The following BRINP1 variants were observed in gnomAD, a reference collection of about 807,000 sequenced individuals.
The protein encoded by BRINP1 is BMP/retinoic acid-inducible neural-specific protein 1.
In BRINP1, 17 loss-of-function variants were observed where a neutral mutation model predicts 72.9. The ratio of observed to expected loss-of-function variants is 0.23; its 90% CI spans 0.16 to 0.35. BRINP1 has a LOEUF of 0.35. Among genes scored for constraint, BRINP1 ranks in the 10% least tolerant of loss-of-function variants. BRINP1 has a pLI of 1.00. For synonymous variants in BRINP1, 418 were observed against 378.5 expected (o/e 1.10, Z -1.21); for missense variants, 850 against 1,001.6 (o/e 0.85, Z 2.04).
At chr9:119,170,815 G>C (rs1199781762) in intron 7 of BRINP1, among the ~76,000 whole-genome samples, 1 of 142,834 alleles carries the variant, frequency 7.0e-6, no homozygotes, top group Non-Finnish European at 1.5e-5. Context: ...GAAGAGAGTG[G>C]GGGCCAATAT....
intron 2 of BRINP1, among the ~76,000 whole-genome samples, chr9:119,254,431 G>A (rs573282652): frequency 3.9e-4 from 59 of 152,102 alleles, no homozygotes; most frequent in African/African-American, 1.3e-3. Flanking sequence ...TAATGTTCCC[G>A]GAAAAAAATA....
chr9:119,232,507 T>C lies in BRINP1; in HGVS notation c.685+6148A>G, dbSNP rs548833226. 2.0e-5 allele frequency among the ~76,000 whole-genome samples: 3 copies of C among 152,294 alleles called. No homozygotes were observed. In the South Asian group the frequency reaches 6.2e-4, roughly 32 times the overall value. ...ATGTTCTACAAGTTTCTACATGACC[T>C]GCTCCTTCATTATTTCTCTGATTAT... On this transcript the variant is annotated intron_variant, in intron 5 of 7. Coordinates refer to ENST00000265922, the MANE Select transcript of BRINP1 (RefSeq NM_014618.3).
chr9:119,354,733 G>C (rs1326794848), intron 1 of BRINP1, among the ~76,000 whole-genome samples: 4 of 152,084 alleles, frequency 2.6e-5, no homozygotes, highest in African/African-American at 2.4e-5. Flanking sequence ...GCCAGGTGTG[G>C]TGGCATGTGC....
chr9:119,215,880 T>C (rs188420207), intron 5 of BRINP1, among the ~76,000 whole-genome samples: 380 of 152,156 alleles, frequency 2.5e-3, no homozygotes, highest in Non-Finnish European at 4.0e-3. Flanking sequence ...GTCAAAAACC[T>C]GGGCAGGGCT....
chr9:119,357,890 C>A (rs1293097297), intron 1 of BRINP1, among the ~76,000 whole-genome samples: 2 of 152,186 alleles, frequency 1.3e-5, no homozygotes, highest in East Asian at 3.9e-4. Flanking sequence ...CACCACCAAG[C>A]TGCTAATCCA....
chr9:119,276,537 T>C (rs188937831), intron 2 of BRINP1, among the ~76,000 whole-genome samples: 70 of 152,348 alleles, frequency 4.6e-4, no homozygotes, highest in Non-Finnish European at 7.5e-4. Flanking sequence ...TGCAGAAGGT[T>C]CTATACTGTC....
In BRINP1 at chr9:119,167,736, G is replaced by A. The variant is rs139590963; in HGVS notation, c.1634C>T (p.Ser545Phe). The change falls in exon 8 of 8, where the codon TCC becomes TTC. Residue 545 changes from serine (S) to phenylalanine (F), a missense_variant. By Grantham distance (155) the Ser-to-Phe change is radical (BLOSUM62 -2). Transcript: ENST00000265922. This position sits in a 1 kb window ranked among gnomAD's most constrained non-coding sequence, Gnocchi z 4.3. ...GTTGCGCATCTGGCAGATGCGCATG[G>A]ACATGCCGATCACCATGTGGATGAA... ...MDFIHMVIGMSMRICQMRNSS... is the reference protein window; with the variant it reads ...MDFIHMVIGMFMRICQMRNSS... 495 of 1,614,116 alleles carry A rather than the reference G, an allele frequency of 3.1e-4. No homozygotes were observed. The highest frequency in any genetic ancestry group is 4.8e-4 in the Admixed American group (29 of 60,022).
chr9:119,273,714 A>G (rs10818292), intron 2 of BRINP1, among the ~76,000 whole-genome samples: 37,007 of 151,976 alleles, frequency 0.24, 4,940 homozygotes, highest in East Asian at 0.56. Context: ...AGCAGACACA[A>G]ATTGTTGAGT....
chr9:119,171,991 A>G (rs1829416480), intron 7 of BRINP1, among the ~76,000 whole-genome samples: 1 of 131,412 alleles, frequency 7.6e-6, no homozygotes, highest in Admixed American at 7.4e-5. Context: ...CAGTGTGCAG[A>G]GGGAAATTTA....
At chr9:119,326,933 G>A (rs1159532792) in intron 1 of BRINP1, among the ~76,000 whole-genome samples, 4 of 152,156 alleles carry the variant, frequency 2.6e-5, no homozygotes, top group Non-Finnish European at 5.9e-5. Context: ...GTGAGGTAAT[G>A]AAAAGTTTGG....
chr9:119,241,269 T>A (rs1328209432), intron 4 of BRINP1, among the ~76,000 whole-genome samples: 1 of 152,208 alleles, frequency 6.6e-6, no homozygotes, highest in African/African-American at 2.4e-5. Context: ...CTTTCCACCA[T>A]CTTAGAAGGT....
chr9:119,300,842 G>C (rs912179641), intron 2 of BRINP1, among the ~76,000 whole-genome samples: 9 of 152,154 alleles, frequency 5.9e-5, no homozygotes, highest in Non-Finnish European at 1.3e-4. Flanking sequence ...AGAAACTACA[G>C]CTATTGATTA....
chr9:119,193,777 A>G (rs1207333912), intron 7 of BRINP1, among the ~76,000 whole-genome samples: 1 of 152,230 alleles, frequency 6.6e-6, no homozygotes, highest in Admixed American at 6.5e-5. Flanking sequence ...CAGTGGCCAC[A>G]AATCCTTTGC....
chr9:119,367,387 C>T (rs577714104), intron 1 of BRINP1, among the ~76,000 whole-genome samples: 44 of 151,980 alleles, frequency 2.9e-4, no homozygotes, highest in Admixed American at 1.0e-3. Context: ...TCCTAGCCTC[C>T]CTGCCTGAGA....
chr9:119,184,083 G>T (rs529578665), intron 7 of BRINP1, among the ~76,000 whole-genome samples: 13 of 152,062 alleles, frequency 8.5e-5, no homozygotes, highest in African/African-American at 1.9e-4. Context: ...CGAGCCACAG[G>T]GGGGGAGAAA....
At chr9:119,310,711 C>A (rs1831053193) in intron 2 of BRINP1, among the ~76,000 whole-genome samples, 1 of 152,060 alleles carries the variant, frequency 6.6e-6, no homozygotes, top group South Asian at 2.1e-4. Flanking sequence ...GATAGTCAGG[C>A]CTTTCTTTTT....
At chr9:119,243,354 C>G (rs897129115) in intron 3 of BRINP1, among the ~76,000 whole-genome samples, 6 of 152,122 alleles carry the variant, frequency 3.9e-5, no homozygotes, top group Admixed American at 1.3e-4. Flanking sequence ...GCTTCCAGCT[C>G]CATACATGTC....
intron 1 of BRINP1, among the ~76,000 whole-genome samples, chr9:119,350,820 T>C (rs990524825): frequency 6.6e-6 from 1 of 151,862 alleles, no homozygotes; most frequent in African/African-American, 2.4e-5. Context: ...ATCAAATATA[T>C]ATAAAAATGT....
At chr9:119,206,204 C>G (rs1829852006) in intron 7 of BRINP1, among the ~76,000 whole-genome samples, 1 of 151,896 alleles carries the variant, frequency 6.6e-6, no homozygotes, top group African/African-American at 2.4e-5. Flanking sequence ...TCACCTGACG[C>G]CAAGAGTTTG....
Sources: allele counts gnomAD v4.1 joint callset (sites outside exome capture counted in the v4.1 genomes callset), GRCh38; gene constraint gnomAD v4.1.1; non-coding constraint Gnocchi (gnomAD v3.1); transcripts MANE v1.5; gene names NCBI Gene and HGNC (gene_info 2026-07-23, HGNC 2026-07-21).